The following PRKAR2B variants were observed in gnomAD, a reference collection of about 807,000 sequenced individuals.
The protein encoded by PRKAR2B is cAMP-dependent protein kinase type II-beta regulatory subunit.
PRKAR2B carries 14 observed loss-of-function variants against 49.9 expected under a neutral mutation model. The observed-to-expected ratio is 0.28, with a 90% CI of 0.19 to 0.44. The LOEUF (loss-of-function observed/expected upper bound fraction) is 0.44, where lower values mean the gene tolerates loss of function less well. PRKAR2B is among the 20% of genes least tolerant of loss of function. The pLI is 1.00. For synonymous variants in PRKAR2B, 196 were observed against 197.7 expected (o/e 0.99, Z 0.07); for missense variants, 393 against 537.9 (o/e 0.73, Z 2.67).
chr7:107,064,201 A>G (rs986456457), intron 1 of PRKAR2B, among the ~76,000 whole-genome samples: 4 of 152,160 alleles, frequency 2.6e-5, no homozygotes, highest in African/African-American at 9.7e-5. Flanking sequence ...TCTTTTTCTA[A>G]GAGGGCATTG....
At chr7:107,122,416 T>A (rs1282038036) in intron 3 of PRKAR2B, among the ~76,000 whole-genome samples, 8 of 152,192 alleles carry the variant, frequency 5.3e-5, no homozygotes, top group African/African-American at 1.7e-4. Flanking sequence ...GCAGTTAGGA[T>A]TATTTTTTAA....
chr7:107,060,571 G>A (rs1794007668), intron 1 of PRKAR2B, among the ~76,000 whole-genome samples: 1 of 151,814 alleles, frequency 6.6e-6, no homozygotes, highest in Admixed American at 6.6e-5. Flanking sequence ...CTGGCTGATT[G>A]TGTTTTTCTT....
At position 107,161,515 on chromosome 7, in the gene PRKAR2B, T is replaced by C. The variant is rs1162023176; in HGVS notation, c.*1933T>C. 6.5e-6 allele frequency: 1 copy of C among 152,674 alleles called. No individual in the cohort carries two copies. The highest frequency in any genetic ancestry group is 1.5e-5 in the Non-Finnish European group (1 of 68,040). The allele number at this position is 152,674 out of a possible 1,614,324, so 9.5% of individuals were successfully genotyped here. On this transcript the variant is annotated 3_prime_UTR_variant, in exon 11 of 11. Transcript: ENST00000265717. ...CTTTTATAATAAAATACATGAATTA[T>C]TGTTTTTCATACTTTTTTGCTTGTT...
intron 4 of PRKAR2B, among the ~76,000 whole-genome samples, chr7:107,131,838 C>T (rs368824527): frequency 1.6e-4 from 24 of 152,216 alleles, no homozygotes; most frequent in African/African-American, 5.3e-4. Flanking sequence ...ACATTATTTA[C>T]AATAACCCAA....
At chr7:107,117,858 A>G (rs116883339) in intron 2 of PRKAR2B, among the ~76,000 whole-genome samples, 2,509 of 152,246 alleles carry the variant, frequency 0.016, 29 homozygotes, top group Middle Eastern at 0.037. Flanking sequence ...ACCAGTGCAC[A>G]TTACTCTATC....
At chr7:107,069,128 G>A (rs1359688756) in intron 1 of PRKAR2B, among the ~76,000 whole-genome samples, 1 of 152,120 alleles carries the variant, frequency 6.6e-6, no homozygotes, top group Non-Finnish European at 1.5e-5. Context: ...TAGAAATGGG[G>A]TTTCCTCATG....
chr7:107,091,167 G>T (rs181025361), intron 2 of PRKAR2B, among the ~76,000 whole-genome samples: 5 of 151,932 alleles, frequency 3.3e-5, no homozygotes, highest in Admixed American at 6.6e-5. Context: ...AAGAGCACTG[G>T]TTTTTTTTGG....
intron 1 of PRKAR2B, among the ~76,000 whole-genome samples, chr7:107,051,325 T>C (rs1793796078): frequency 6.6e-6 from 1 of 152,194 alleles, no homozygotes; most frequent in African/African-American, 2.4e-5. Flanking sequence ...AAATCTAATA[T>C]TAGACTATAT....
At chr7:107,102,612 C>T (rs1030683944) in intron 2 of PRKAR2B, among the ~76,000 whole-genome samples, 4 of 152,160 alleles carry the variant, frequency 2.6e-5, no homozygotes, top group Non-Finnish European at 5.9e-5. Flanking sequence ...TGGGGTTCAC[C>T]AGCATTATTA....
intron 1 of PRKAR2B, among the ~76,000 whole-genome samples, chr7:107,057,755 T>A (rs1159627133): frequency 2.0e-5 from 3 of 151,778 alleles, no homozygotes; most frequent in Admixed American, 2.0e-4. Context: ...ACGCTAAGCA[T>A]TAATGTGTGT....
chr7:107,125,416 C>G (rs1795464774), intron 3 of PRKAR2B, among the ~76,000 whole-genome samples: 1 of 152,194 alleles, frequency 6.6e-6, no homozygotes, highest in Non-Finnish European at 1.5e-5. Flanking sequence ...AAATTTTTAT[C>G]TGAAATCAGG....
chr7:107,155,515 C>A (rs1796065767), intron 8 of PRKAR2B, among the ~76,000 whole-genome samples: 1 of 152,236 alleles, frequency 6.6e-6, no homozygotes, highest in South Asian at 2.1e-4. Flanking sequence ...TATTTCTCCA[C>A]AACCTCACCA....
intron 5 of PRKAR2B, among the ~76,000 whole-genome samples, chr7:107,145,621 GTT>G: frequency 6.6e-6 from 1 of 151,226 alleles, no homozygotes; most frequent in African/African-American, 2.4e-5. Flanking sequence ...ATCTTGCTAT[GTT>G]GCCCAGGCTG....
At chr7:107,099,493 G>C (rs928477147) in intron 2 of PRKAR2B, among the ~76,000 whole-genome samples, 1 of 152,054 alleles carries the variant, frequency 6.6e-6, no homozygotes, top group Non-Finnish European at 1.5e-5. Flanking sequence ...GCCCTGCACC[G>C]TGGGCCGCAC....
chr7:107,076,318 C>G (rs1185494952), intron 2 of PRKAR2B, among the ~76,000 whole-genome samples: 1 of 152,098 alleles, frequency 6.6e-6, no homozygotes, highest in African/African-American at 2.4e-5. Flanking sequence ...CTCCACTGTC[C>G]TATCATGTTT....
intron 10 of PRKAR2B, among the ~76,000 whole-genome samples, chr7:107,158,133 G>A (rs1238966313): frequency 1.3e-5 from 2 of 151,960 alleles, no homozygotes; most frequent in African/African-American, 4.8e-5. Context: ...TTAGAAACTG[G>A]CAGGTAATTT....
chr7:107,149,403 C>A (rs575411765), intron 6 of PRKAR2B, among the ~76,000 whole-genome samples: 83 of 152,174 alleles, frequency 5.5e-4, no homozygotes, highest in Middle Eastern at 3.4e-3. Context: ...TTCTCATGGT[C>A]TGGACGCTGA....
chr7:107,126,420 CAAAAA>C (rs35682952), intron 3 of PRKAR2B, among the ~76,000 whole-genome samples: 6 of 38,392 alleles, frequency 1.6e-4, no homozygotes, highest in South Asian at 9.2e-4. Flanking sequence ...GAATCTGTCT[CAAAAA>C]AAAAAAAAAA....
intron 7 of PRKAR2B, among the ~76,000 whole-genome samples, chr7:107,152,013 G>C (rs1795996919): frequency 6.6e-6 from 1 of 152,128 alleles, no homozygotes; most frequent in South Asian, 2.1e-4. Context: ...TTTCCTCTCA[G>C]ATGTCTAATA....
Sources: allele counts gnomAD v4.1 joint callset (sites outside exome capture counted in the v4.1 genomes callset), GRCh38; gene constraint gnomAD v4.1.1; transcripts MANE v1.5; gene names NCBI Gene and HGNC (gene_info 2026-07-23, HGNC 2026-07-21).